The following NCAM2 variants were observed in gnomAD, a reference collection of about 807,000 sequenced individuals.
The protein encoded by NCAM2 is N-CAM-2.
NCAM2 carries 30 observed loss-of-function variants against 98.1 expected under a neutral mutation model. That is an observed-to-expected ratio of 0.31 (90% CI 0.23 to 0.41). The LOEUF (loss-of-function observed/expected upper bound fraction) is 0.41. Ranked by LOEUF, NCAM2 falls within the 10% of genes least tolerant of loss-of-function variation. NCAM2 has a pLI of 1.00. For missense variants in NCAM2, 867 were observed against 1,005.8 expected (o/e 0.86, Z 1.87); for synonymous variants, 368 against 342.4 (o/e 1.07, Z -0.83).
At chr21:21,264,669 A>G in intron 1 of NCAM2, among the ~76,000 whole-genome samples, 1 of 149,566 alleles carries the variant, frequency 6.7e-6, no homozygotes, top group East Asian at 2.0e-4. Context: ...ATATATATAC[A>G]CACACACACA....
At chr21:21,254,709 C>A (rs1446766271) in intron 1 of NCAM2, among the ~76,000 whole-genome samples, 1 of 152,068 alleles carries the variant, frequency 6.6e-6, no homozygotes, top group Admixed American at 6.6e-5. Context: ...TGTAATGGAA[C>A]AGGATACTTC....
At chr21:21,269,461 GAT>G (rs2072413260) in intron 1 of NCAM2, among the ~76,000 whole-genome samples, 2 of 152,118 alleles carry the variant, frequency 1.3e-5, no homozygotes, top group South Asian at 4.1e-4. Context: ...TAAATTGTTA[GAT>G]ATTTCTTTGA....
intron 1 of NCAM2, among the ~76,000 whole-genome samples, chr21:21,238,580 A>C (rs2070938292): frequency 6.6e-6 from 1 of 150,888 alleles, no homozygotes; most frequent in Admixed American, 6.6e-5. Context: ...TTAAATTTAA[A>C]AATATATTTT....
chr21:21,244,140 G>A (rs2071173347), intron 1 of NCAM2, among the ~76,000 whole-genome samples: 1 of 152,082 alleles, frequency 6.6e-6, no homozygotes. Context: ...TTAGGTTGGT[G>A]GCAAGTCCTT....
intron 9 of NCAM2, among the ~76,000 whole-genome samples, chr21:21,409,325 A>T (rs1182052064): frequency 6.6e-6 from 1 of 152,178 alleles, no homozygotes; most frequent in Non-Finnish European, 1.5e-5. Context: ...ATAGAGATCT[A>T]GAATACAGAC....
At chr21:21,350,447 T>C (rs2075304345) in intron 8 of NCAM2, among the ~76,000 whole-genome samples, 2 of 152,134 alleles carry the variant, frequency 1.3e-5, no homozygotes, top group South Asian at 4.1e-4. Flanking sequence ...GATAGAATTA[T>C]ATTATTTCAC....
At chr21:21,300,554 C>T (rs1601909800) in intron 5 of NCAM2, among the ~76,000 whole-genome samples, 1 of 151,122 alleles carries the variant, frequency 6.6e-6, no homozygotes, top group African/African-American at 2.4e-5. Flanking sequence ...TTACAATGTA[C>T]CTTTCACACT....
At chr21:21,343,452 T>C (rs1196637278) in intron 8 of NCAM2, among the ~76,000 whole-genome samples, 2 of 151,922 alleles carry the variant, frequency 1.3e-5, no homozygotes, top group Non-Finnish European at 2.9e-5. Context: ...TTTAACTTCA[T>C]ATTGCTGAAA....
At chr21:21,100,635 C>T (rs1022369886) in intron 1 of NCAM2, among the ~76,000 whole-genome samples, 4 of 151,986 alleles carry the variant, frequency 2.6e-5, no homozygotes, top group African/African-American at 9.7e-5. Flanking sequence ...TAGTAGAAAG[C>T]GGTTTTAAAT....
chr21:21,286,715 C>T (rs139390737), intron 4 of NCAM2, among the ~76,000 whole-genome samples: 4,471 of 151,630 alleles, frequency 0.029, 92 homozygotes, highest in Non-Finnish European at 0.042. Context: ...CAATCATTAG[C>T]CTAAAAAAAT....
chr21:21,452,958 T>A (rs1264939677), intron 12 of NCAM2, among the ~76,000 whole-genome samples: 1 of 34,086 alleles, frequency 2.9e-5, no homozygotes, highest in Non-Finnish European at 6.0e-5. Flanking sequence ...TACTATATAT[T>A]ATATATTATA....
At chr21:21,305,295 G>T (rs2073846560) in intron 5 of NCAM2, among the ~76,000 whole-genome samples, 1 of 152,118 alleles carries the variant, frequency 6.6e-6, no homozygotes, top group African/African-American at 2.4e-5. Flanking sequence ...TCCAGCCTGG[G>T]CGATAGAGCA....
At chr21:21,501,414 T>C (rs1987623259) in intron 15 of NCAM2, among the ~76,000 whole-genome samples, 1 of 152,004 alleles carries the variant, frequency 6.6e-6, no homozygotes, top group Non-Finnish European at 1.5e-5. Flanking sequence ...CTTTGTCGTG[T>C]CTTTTGTAAT....
In NCAM2 at chr21:21,480,209, A is replaced by G. The variant is rs546727278; in HGVS notation, c.2077+2738A>G. Among the ~76,000 whole-genome samples, 28 of 152,004 alleles carry G rather than the reference A, an allele frequency of 1.8e-4. No individual in the cohort carries two copies. In the East Asian group the frequency reaches 4.8e-3, roughly 26 times the overall value. On this transcript the variant is annotated intron_variant, in intron 15 of 17. Coordinates refer to ENST00000400546, the MANE Select transcript of NCAM2 (RefSeq NM_004540.5). ...GTGAAACCCCATCTCTACTAAAAAT[A>G]CAAAAAAATTAGCTGGGCGTACTGG...
chr21:21,229,349 A>C (rs148229250), intron 1 of NCAM2, among the ~76,000 whole-genome samples: 65 of 151,658 alleles, frequency 4.3e-4, no homozygotes, highest in Non-Finnish European at 8.3e-4. Flanking sequence ...TTCATGTCAA[A>C]ATTATATTCG....
At chr21:21,308,391 A>G (rs1300233804) in intron 5 of NCAM2, among the ~76,000 whole-genome samples, 1 of 152,070 alleles carries the variant, frequency 6.6e-6, no homozygotes, top group African/African-American at 2.4e-5. Context: ...TTTGCTGGAT[A>G]TAGAATTCTA....
chr21:21,186,515 T>G (rs2068645374), intron 1 of NCAM2, among the ~76,000 whole-genome samples: 1 of 152,190 alleles, frequency 6.6e-6, no homozygotes, highest in Non-Finnish European at 1.5e-5. Flanking sequence ...TAAGAAACAG[T>G]TTAGTTATTG....
intron 9 of NCAM2, chr21:21,385,578 T>C (rs1397924964): frequency 8.3e-7 from 1 of 1,206,336 alleles, no homozygotes; most frequent in Admixed American, 2.3e-5. Context: ...AGCCTTTTTT[T>C]GCTCAAAACC....
intron 10 of NCAM2, 70 bp from the exon 11 acceptor site, chr21:21,418,403 A>G (rs552112414): frequency 3.6e-6 from 4 of 1,104,136 alleles, no homozygotes; most frequent in East Asian, 2.4e-5. Flanking sequence ...AGTGGTAGTC[A>G]TACTGGGGTT....
Sources: gnomAD v4.1 joint callset for allele counts (sites outside exome capture counted in the v4.1 genomes callset) on GRCh38, gnomAD v4.1.1 for gene constraint, MANE v1.5 for transcripts, NCBI Gene and HGNC (gene_info 2026-07-23, HGNC 2026-07-21) for gene names.